KMT2A: variants seen among roughly 807,000 people sequenced by gnomAD.
The protein encoded by KMT2A is histone-lysine N-methyltransferase 2A.
Under a neutral mutation model 345.3 loss-of-function variants are expected in KMT2A, and 16 were observed. That is an observed-to-expected ratio of 0.05 (90% CI 0.03 to 0.07). KMT2A has a LOEUF of 0.07. Among genes scored for constraint, KMT2A ranks in the 10% least tolerant of loss-of-function variants. KMT2A has a pLI of 1.00. For synonymous variants in KMT2A, 1,599 were observed against 1,778.6 expected, an observed-to-expected ratio of 0.90 and a Z score of 2.54; for missense variants, 3,272 against 4,841.6, an observed-to-expected ratio of 0.68 and a Z score of 9.62.
rs1950523915 is a variant in KMT2A at position 118,502,936 on chromosome 11, T to C, written c.7044T>C (p.Val2348=). ...VHNTTSRELN[V]SKIGSFAEPS... ...ACACAACATCTAGAGAACTGAATGT[T>C]AGTAAAATCGGCTCCTTTGCTGAAC... The change falls in exon 27 of 36, where the codon GTT becomes GTC. Residue 2348 remains valine (V), a synonymous_variant. Transcript: ENST00000534358. The surrounding 1 kb of genome is among the most constrained non-coding windows in gnomAD (Gnocchi z 4.9). 1.9e-6 allele frequency: 3 copies of C among 1,614,184 alleles called. No individual in the cohort carries two copies. Among genetic ancestry groups the C allele is most frequent in the Non-Finnish European group, 2.5e-6 (3 of 1,180,030 alleles).
At chr11:118,462,715 C>T (rs1425403900) in intron 1 of KMT2A, among the ~76,000 whole-genome samples, 1 of 152,240 alleles carries the variant, frequency 6.6e-6, no homozygotes, top group South Asian at 2.1e-4. Flanking sequence ...CCCGCCATCA[C>T]GCCCGGCTAA....
At chr11:118,482,851 T>C (rs1950160512) in intron 8 of KMT2A, among the ~76,000 whole-genome samples, 1 of 151,916 alleles carries the variant, frequency 6.6e-6, no homozygotes, top group Non-Finnish European at 1.5e-5. Context: ...AGGATTGTCT[T>C]GAGCCCAGGA....
chr11:118,512,941 C>T (rs1188146976), intron 31 of KMT2A, among the ~76,000 whole-genome samples: 3 of 152,038 alleles, frequency 2.0e-5, no homozygotes, highest in African/African-American at 7.2e-5. Context: ...TTTGAGCAAA[C>T]ACTAAAGATT....
At chr11:118,463,941 TAA>T (rs1949793578) in intron 1 of KMT2A, among the ~76,000 whole-genome samples, 1 of 152,244 alleles carries the variant, frequency 6.6e-6, no homozygotes, top group Non-Finnish European at 1.5e-5. Flanking sequence ...TAAGTTCTGC[TAA>T]AATTGAAGCA....
At chr11:118,483,169 G>A (rs1555039814) in intron 8 of KMT2A, among the ~76,000 whole-genome samples, 1 of 150,792 alleles carries the variant, frequency 6.6e-6, no homozygotes, top group South Asian at 2.1e-4. Context: ...CGAGGCGGAG[G>A]CTGCAGTGAG....
chr11:118,482,170 A>AAAGC, intron 7 of KMT2A, 78 bp downstream of exon 7: 1 of 1,450,494 alleles, frequency 6.9e-7, no homozygotes, highest in South Asian at 1.4e-5. Flanking sequence ...ACAGCATTTG[A>AAAGC]AAGCAGGAAA....
At position 118,478,033 on chromosome 11, in the gene KMT2A, C is replaced by T. The variant is rs1555038060; in HGVS notation, c.3401C>T (p.Pro1134Leu). Residue 1134 changes from proline (P) to leucine (L), a missense_variant, in exon 5 of 36, where the codon CCT becomes CTT. Coordinates refer to ENST00000534358, the MANE Select transcript of KMT2A (RefSeq NM_001197104.2). ...GCTCCACCCATCAAACCAATTAAACCTGTCACTAGAAACAAGGCACCCCAG... is the reference window on the plus strand; with the variant it reads ...GCTCCACCCATCAAACCAATTAAACTTGTCACTAGAAACAAGGCACCCCAG... Reference protein sequence around the residue: ...PLAPPIKPIKPVTRNKAPQEP... With the variant: ...PLAPPIKPIKLVTRNKAPQEP... 1 of 1,614,092 alleles carries T rather than the reference C, an allele frequency of 6.2e-7. No homozygotes were observed. Among genetic ancestry groups the T allele is most frequent in the South Asian group, 1.1e-5 (1 of 91,078 alleles).
Position 118,481,926 on chromosome 11 carries a change from A to G in KMT2A, c.3846A>G (p.Glu1282=). The G allele has an allele frequency of 3.1e-6, 5 of 1,614,222 alleles. No homozygotes were observed. The highest frequency in any genetic ancestry group is 3.4e-6 in the Non-Finnish European group (4 of 1,180,034). The change falls in exon 7 of 36, where the codon GAA becomes GAG. Residue 1282 remains glutamate, a synonymous_variant. Coordinates refer to ENST00000534358, the MANE Select transcript of KMT2A (RefSeq NM_001197104.2). ...EEGNVSAPGP[E]SKQATTPASR... ...GGAATGTCTCGGCCCCTGGGCCTGA[A>G]TCCAAACAGGCCACCACTCCAGCTT... is the stretch of plus-strand genomic sequence containing the variant.
intron 5 of KMT2A, among the ~76,000 whole-genome samples, chr11:118,479,763 A>T (rs1555038692): frequency 6.6e-6 from 1 of 152,196 alleles, no homozygotes; most frequent in Non-Finnish European, 1.5e-5. Context: ...AGATTTAATT[A>T]TAGCATTATA....
rs1456095655 is a variant in KMT2A, at chr11:118,518,741, C to T, written c.11147-877C>T. Reference sequence around the variant, plus strand: ...GAGTTGTAGCGAGCTGAGATCGGACCACTGCACTCCAGCCTGGGTGACGGA... The same window carrying T: ...GAGTTGTAGCGAGCTGAGATCGGACTACTGCACTCCAGCCTGGGTGACGGA... On this transcript the variant is annotated intron_variant, in intron 31 of 35. Coordinates refer to ENST00000534358, the MANE Select transcript of KMT2A (RefSeq NM_001197104.2). Among the ~76,000 whole-genome samples the T allele has an allele frequency of 2.0e-4, 28 of 140,996 alleles. 2 individuals are homozygous for T. Among genetic ancestry groups the T allele is most frequent in the Admixed American group, 1.9e-3 (25 of 13,242 alleles). 92.5% of individuals were successfully genotyped at this position (140,996 alleles called of 152,430 possible). A position where few individuals can be genotyped will look rare whatever the true frequency, so the allele number is the denominator to read the frequency against.
chr11:118,501,332 C>T (rs1383095807), intron 25 of KMT2A, among the ~76,000 whole-genome samples, 185 bp downstream of exon 25: 1 of 152,048 alleles, frequency 6.6e-6, no homozygotes, highest in Admixed American at 6.6e-5. Flanking sequence ...TGGTGGCAGG[C>T]ACCTGTAATC....
Position 118,436,980 on chromosome 11 carries a change from G to C in KMT2A, c.432+36G>C. On this transcript the variant is annotated intron_variant, in intron 1 of 35. Transcript: ENST00000534358. The surrounding 1 kb of genome is among the most constrained non-coding windows in gnomAD (Gnocchi z 6.9). ...GAGGAACCCCCAGGTCCGGGGTCTCGACCCTCTGCGGAGCCCCCTCCCCTC... is the reference window on the plus strand; with the variant it reads ...GAGGAACCCCCAGGTCCGGGGTCTCCACCCTCTGCGGAGCCCCCTCCCCTC... 2.1e-6 allele frequency: 3 copies of C among 1,397,340 alleles called. No homozygotes were observed. The highest frequency in any genetic ancestry group is 2.8e-6 in the Non-Finnish European group (3 of 1,065,346). 86.6% of individuals were successfully genotyped at this position (1,397,340 alleles called of 1,614,324 possible).
chr11:118,473,476 C>G lies in KMT2A; in HGVS notation c.2317C>G (p.Pro773Ala), dbSNP rs199922480. Residue 773 changes from proline to alanine, a missense_variant, in exon 3 of 36, where the codon CCG becomes GCG. Pro to Ala is a conservative substitution (Grantham distance 27). Around this residue, in one of 27 missense-constraint regions of KMT2A, gnomAD observed 209 missense variants for 237.4 expected, o/e 0.88. Transcript: ENST00000534358. The surrounding 1 kb of genome is among the most constrained non-coding windows in gnomAD (Gnocchi z 5.2). ...SSSELSPLTPPSSVSSSLSIS... is the reference protein window; with the variant it reads ...SSSELSPLTPASSVSSSLSIS... ...TTCTGAGCTCTCACCTCTCACCCCCCCGTCTTCTGTCTCTTCCTCGTTAAG... is the reference window on the plus strand; with the variant it reads ...TTCTGAGCTCTCACCTCTCACCCCCGCGTCTTCTGTCTCTTCCTCGTTAAG... 32 of 1,614,198 alleles carry G rather than the reference C, an allele frequency of 2.0e-5. No homozygotes were observed. The highest frequency in any genetic ancestry group is 1.8e-4 in the Admixed American group (11 of 60,030).
In KMT2A at chr11:118,503,076, C is replaced by G. The variant is rs2134389759; in HGVS notation, c.7184C>G (p.Ser2395Cys). 1.2e-6 allele frequency: 2 copies of G among 1,612,962 alleles called. No homozygotes were observed. Among genetic ancestry groups the G allele is most frequent in the Non-Finnish European group, 1.7e-6 (2 of 1,179,972 alleles). The change falls in exon 27 of 36, where the codon TCT (serine) becomes TGT (cysteine). Residue 2395 changes from serine (S) to cysteine (C), a missense_variant. This residue lies in a region of KMT2A where 445 missense variants were observed against 500.9 expected (regional missense o/e 0.89). Coordinates refer to ENST00000534358, the MANE Select transcript of KMT2A (RefSeq NM_001197104.2). This position sits in a 1 kb window ranked among gnomAD's most constrained non-coding sequence, Gnocchi z 5.3. ...HTDSTQSANS[S>C]PDEDTEVKTL... ...GATTCTACCCAATCAGCAAACTCCT[C>G]TCCAGATGAAGATACTGAAGTCAAA...
chr11:118,466,357 A>G (rs1194300599), intron 1 of KMT2A, among the ~76,000 whole-genome samples: 15 of 152,214 alleles, frequency 9.9e-5, no homozygotes, highest in African/African-American at 3.1e-4. Flanking sequence ...AAGACTCACT[A>G]TGTTGCCCAG....
rs1240123340 is a variant in KMT2A at position 118,524,522 on chromosome 11, C to T, written c.*2350C>T. ...ACTGTGGCCAGGATGGCAGAGACTTCCTTGTCATCATGGAGAAGTGCCAGC... is the reference window on the plus strand; with the variant it reads ...ACTGTGGCCAGGATGGCAGAGACTTTCTTGTCATCATGGAGAAGTGCCAGC... On this transcript the variant is annotated 3_prime_UTR_variant, in exon 36 of 36. Transcript: ENST00000534358. The T allele has an allele frequency of 1.1e-5, 2 of 183,610 alleles. No individual in the cohort carries two copies. The highest frequency in any genetic ancestry group is 4.7e-5 in the African/African-American group (2 of 42,466). The allele number at this position is 183,610 out of a possible 1,614,324, so 11.4% of individuals were successfully genotyped here.
chr11:118,451,207 C>CTTTTTTTTTT (rs1167567348), intron 1 of KMT2A, among the ~76,000 whole-genome samples: 1 of 121,012 alleles, frequency 8.3e-6, no homozygotes, highest in African/African-American at 3.0e-5. Context: ...CTATCTAATT[C>CTTTTTTTTTT]TTTTTTTTTT....
chr11:118,477,120 G>C, intron 4 of KMT2A, 138 bp downstream of exon 4: 1 of 805,646 alleles, frequency 1.2e-6, no homozygotes, highest in Non-Finnish European at 2.0e-6. Context: ...AAATACATGA[G>C]GATTTTATTA....
chr11:118,469,228 G>T (rs1038716468), intron 2 of KMT2A, among the ~76,000 whole-genome samples: 6 of 149,388 alleles, frequency 4.0e-5, no homozygotes, highest in African/African-American at 7.4e-5. Flanking sequence ...CTTGGGGCAT[G>T]GGAAGTAGGT....
Sources: gnomAD v4.1 joint callset for allele counts (sites outside exome capture counted in the v4.1 genomes callset) on GRCh38, gnomAD v4.1.1 for gene constraint, gnomAD v4.1.1 regional missense constraint, Gnocchi (gnomAD v3.1) non-coding constraint, MANE v1.5 for transcripts, NCBI Gene and HGNC (gene_info 2026-07-23, HGNC 2026-07-21) for gene names.